The following PEAK1 variants were observed in gnomAD, a reference collection of about 807,000 sequenced individuals.
The protein encoded by PEAK1 is pseudopodium enriched atypical kinase 1.
PEAK1 carries 54 observed loss-of-function variants against 124.7 expected under a neutral mutation model. The observed-to-expected ratio is 0.43, with a 90% CI of 0.35 to 0.54. PEAK1 has a LOEUF of 0.54. Among genes scored for constraint, PEAK1 ranks in the 20% least tolerant of loss-of-function variants. The probability of loss-of-function intolerance (pLI) is 0.01; values close to 1 mark genes in which losing one functional copy is unlikely to be tolerated. For synonymous variants in PEAK1, 719 were observed against 760.0 expected, an observed-to-expected ratio of 0.95 and a Z score of 0.89; for missense variants, 2,046 against 2,134.5, an observed-to-expected ratio of 0.96 and a Z score of 0.82.
At chr15:77,307,689 C>A (rs1478912865) in intron 2 of PEAK1, among the ~76,000 whole-genome samples, 1 of 152,032 alleles carries the variant, frequency 6.6e-6, no homozygotes, top group Non-Finnish European at 1.5e-5. Flanking sequence ...TGCTTGTAAG[C>A]TGGATCATAT....
At chr15:77,354,740 T>A (rs905779589) in intron 2 of PEAK1, among the ~76,000 whole-genome samples, 1 of 152,068 alleles carries the variant, frequency 6.6e-6, no homozygotes, top group Non-Finnish European at 1.5e-5. Flanking sequence ...AATTTAACAG[T>A]TTTAGAACAC....
At position 77,349,692 on chromosome 15, in the gene PEAK1, C is replaced by T. The variant is rs989662034; in HGVS notation, c.-603+15471G>A. ...TCAATCCTTTACATTGTCCTTTCTT[C>T]ACGTAGGATTTTCAAGCTAACCCTT... On this transcript the variant is annotated intron_variant, in intron 2 of 9. Transcript: ENST00000682557. The T allele has an allele frequency of 4.1e-6, 4 of 984,920 alleles. No individual in the cohort carries two copies. The African/African-American group carries it at 7.0e-5, about 17-fold the overall frequency. 61.0% of individuals were successfully genotyped at this position (984,920 alleles called of 1,614,324 possible).
intron 2 of PEAK1, chr15:77,332,993 C>CA: frequency 1.1e-6 from 1 of 869,712 alleles, no homozygotes; most frequent in African/African-American, 1.8e-5. Flanking sequence ...CCTATTCAGG[C>CA]ATTCATTTCT....
intron 2 of PEAK1, among the ~76,000 whole-genome samples, chr15:77,362,894 A>G (rs957839696): frequency 6.6e-6 from 1 of 152,080 alleles, no homozygotes; most frequent in Non-Finnish European, 1.5e-5. Context: ...CTTACTCTGT[A>G]ACCCAGGCTG....
At chr15:77,201,892 C>G (rs2058381151) in intron 6 of PEAK1, among the ~76,000 whole-genome samples, 1 of 152,160 alleles carries the variant, frequency 6.6e-6, no homozygotes, top group African/African-American at 2.4e-5. Flanking sequence ...ATCTTAAAGA[C>G]AGAAGCAGAA....
chr15:77,192,315 T>C (rs1360450954), intron 6 of PEAK1, among the ~76,000 whole-genome samples: 1 of 152,188 alleles, frequency 6.6e-6, no homozygotes, highest in Non-Finnish European at 1.5e-5. Context: ...ACTGAAGTGA[T>C]GAGGCCAGTG....
At chr15:77,297,845 T>G (rs2063567398) in intron 2 of PEAK1, among the ~76,000 whole-genome samples, 1 of 147,330 alleles carries the variant, frequency 6.8e-6, no homozygotes. Context: ...GATCATGAGG[T>G]CAGGAGATCG....
intron 2 of PEAK1, among the ~76,000 whole-genome samples, chr15:77,324,071 A>G (rs886209925): frequency 6.6e-6 from 1 of 152,210 alleles, no homozygotes; most frequent in African/African-American, 2.4e-5. Context: ...GACTTTAGAG[A>G]CAGACAATGA....
intron 7 of PEAK1, among the ~76,000 whole-genome samples, chr15:77,163,131 T>C (rs1225053547): frequency 6.6e-6 from 1 of 152,224 alleles, no homozygotes; most frequent in Non-Finnish European, 1.5e-5. Flanking sequence ...CTTTTTGTCC[T>C]GAACCTTCAG....
At chr15:77,230,828 G>A (rs2059881083) in intron 6 of PEAK1, among the ~76,000 whole-genome samples, 2 of 151,954 alleles carry the variant, frequency 1.3e-5, no homozygotes, top group Non-Finnish European at 2.9e-5. Context: ...GTGAGACCCT[G>A]TCTCAAACAA....
intron 5 of PEAK1, among the ~76,000 whole-genome samples, chr15:77,269,414 C>T (rs774943489): frequency 9.9e-5 from 15 of 152,130 alleles, no homozygotes; most frequent in Middle Eastern, 6.8e-3. Context: ...CTGTTAAAAA[C>T]GACAAAGAGA....
intron 6 of PEAK1, among the ~76,000 whole-genome samples, chr15:77,231,884 A>C (rs1473029069): frequency 6.6e-6 from 1 of 152,186 alleles, no homozygotes; most frequent in Non-Finnish European, 1.5e-5. Context: ...ACACACTCAT[A>C]CAAATTCATT....
At chr15:77,362,551 T>C (rs1027776207) in intron 2 of PEAK1, among the ~76,000 whole-genome samples, 1 of 152,166 alleles carries the variant, frequency 6.6e-6, no homozygotes, top group Non-Finnish European at 1.5e-5. Flanking sequence ...CCCTCATTCA[T>C]TGCTAGTAGG....
At chr15:77,192,635 C>A (rs1344969154) in intron 6 of PEAK1, among the ~76,000 whole-genome samples, 1 of 152,150 alleles carries the variant, frequency 6.6e-6, no homozygotes, top group Non-Finnish European at 1.5e-5. Context: ...GGAATGCCAG[C>A]CATTCTTGAA....
At chr15:77,393,128 C>A (rs2070614735) in intron 1 of PEAK1, among the ~76,000 whole-genome samples, 1 of 152,166 alleles carries the variant, frequency 6.6e-6, no homozygotes, top group Admixed American at 6.5e-5. Flanking sequence ...AACCTGAGTT[C>A]CAGAGAGCCT....
intron 1 of PEAK1, among the ~76,000 whole-genome samples, chr15:77,385,451 C>A (rs2069847564): frequency 6.6e-6 from 1 of 152,096 alleles, no homozygotes; most frequent in South Asian, 2.1e-4. Context: ...AAATATTAAA[C>A]AAATATCTGA....
At chr15:77,143,985 A>C (rs1315707712) in intron 8 of PEAK1, among the ~76,000 whole-genome samples, 1 of 152,224 alleles carries the variant, frequency 6.6e-6, no homozygotes, top group African/African-American at 2.4e-5. Flanking sequence ...TGTTCTGCCC[A>C]TTTCTCCAAA....
At chr15:77,208,553 T>C (rs746169318) in intron 6 of PEAK1, among the ~76,000 whole-genome samples, 1 of 152,210 alleles carries the variant, frequency 6.6e-6, no homozygotes. Flanking sequence ...ATTATGTTCA[T>C]CTTTTCCTCT....
In PEAK1 at chr15:77,115,238, T is replaced by A. The variant is rs375257162; in HGVS notation, c.4159A>T (p.Ile1387Phe). 16 of 1,614,026 alleles carry A rather than the reference T, an allele frequency of 9.9e-6. No homozygotes were observed. Among genetic ancestry groups the A allele is most frequent in the Admixed American group, 8.3e-5 (5 of 60,008 alleles). Residue 1387 changes from isoleucine (I) to phenylalanine (F), a missense_variant, in exon 10 of 10, where the codon ATT becomes TTT. By Grantham distance (21) the Ile-to-Phe change is conservative. Transcript: ENST00000682557. Reference sequence around the variant, plus strand: ...AGGAAATGACCACAGTCCTGCTGAATGTTAAAATGGACAGCCAGACTCTGC... The same window carrying A: ...AGGAAATGACCACAGTCCTGCTGAAAGTTAAAATGGACAGCCAGACTCTGC... ...VRQSLAVHFN[I>F]QQDCGHFLAE... is the part of the protein sequence containing the mutation.
Sources: allele counts gnomAD v4.1 joint callset (sites outside exome capture counted in the v4.1 genomes callset), GRCh38; gene constraint gnomAD v4.1.1; transcripts MANE v1.5; gene names NCBI Gene and HGNC (gene_info 2026-07-23, HGNC 2026-07-21).